The following LRP1B variants were observed in gnomAD, a reference collection of about 807,000 sequenced individuals.
LRP1B encodes LDL receptor related protein 1B.
Under a neutral mutation model 556.6 loss-of-function variants are expected in LRP1B, and 217 were observed. The ratio of observed to expected loss-of-function variants is 0.39; its 90% confidence interval spans 0.35 to 0.44. The LOEUF (loss-of-function observed/expected upper bound fraction) is 0.44, where lower values mean the gene tolerates loss of function less well. LRP1B is among the 20% of genes least tolerant of loss of function. LRP1B has a pLI of 1.00. For missense variants in LRP1B, 5,053 were observed against 5,620.8 expected, an observed-to-expected ratio of 0.90 and a Z score of 3.23; for synonymous variants, 2,047 against 1,865.8, an observed-to-expected ratio of 1.10 and a Z score of -2.50.
chr2:142,090,580 C>T (rs1706128275), intron 1 of LRP1B, among the ~76,000 whole-genome samples: 1 of 152,108 alleles, frequency 6.6e-6, no homozygotes, highest in African/African-American at 2.4e-5. Flanking sequence ...AAAAATACTC[C>T]AAATAATCTC....
intron 3 of LRP1B, among the ~76,000 whole-genome samples, chr2:141,398,738 T>C (rs1690338938): frequency 6.6e-6 from 1 of 152,176 alleles, no homozygotes; most frequent in Non-Finnish European, 1.5e-5. Flanking sequence ...AGAAACCGGT[T>C]TGAGAGAAAC....
intron 2 of LRP1B, among the ~76,000 whole-genome samples, chr2:141,549,316 TGG>T (rs1685667629): frequency 1.3e-5 from 2 of 152,248 alleles, no homozygotes; most frequent in African/African-American, 4.8e-5. Flanking sequence ...GGATAGAAGC[TGG>T]CACAAAGTGA....
chr2:141,788,873 A>C (rs1178697206), intron 2 of LRP1B, among the ~76,000 whole-genome samples: 1 of 151,894 alleles, frequency 6.6e-6, no homozygotes, highest in African/African-American at 2.4e-5. Context: ...TGAACTTATC[A>C]TTTTTTATGG....
intron 11 of LRP1B, among the ~76,000 whole-genome samples, chr2:141,026,796 T>A (rs1461464374): frequency 6.6e-6 from 1 of 152,032 alleles, no homozygotes; most frequent in East Asian, 1.9e-4. Flanking sequence ...TGGGGCAAAG[T>A]CATAATAAAA....
intron 79 of LRP1B, among the ~76,000 whole-genome samples, chr2:140,328,734 A>T (rs1410442074): frequency 1.3e-5 from 2 of 151,982 alleles, no homozygotes; most frequent in Admixed American, 6.6e-5. Flanking sequence ...AATTTATTTT[A>T]AAAAATTGTT....
intron 7 of LRP1B, among the ~76,000 whole-genome samples, chr2:141,107,509 G>A (rs999282998): frequency 3.3e-5 from 5 of 152,054 alleles, no homozygotes; most frequent in Non-Finnish European, 7.4e-5. Context: ...AGCTGGACAT[G>A]GTGGTGTGTA....
intron 7 of LRP1B, among the ~76,000 whole-genome samples, chr2:141,094,720 A>G (rs1700253452): frequency 6.6e-6 from 1 of 152,336 alleles, no homozygotes; most frequent in East Asian, 1.9e-4. Flanking sequence ...GAAGAACTTC[A>G]TTACAATAGG....
intron 7 of LRP1B, among the ~76,000 whole-genome samples, chr2:141,082,221 T>A (rs1699940520): frequency 6.6e-6 from 1 of 151,852 alleles, no homozygotes; most frequent in African/African-American, 2.4e-5. Context: ...ACTAAAAGAG[T>A]AGTGAAATGC....
intron 2 of LRP1B, among the ~76,000 whole-genome samples, chr2:141,569,447 A>G (rs1686452236): frequency 1.3e-5 from 2 of 151,180 alleles, no homozygotes; most frequent in Non-Finnish European, 3.0e-5. Flanking sequence ...AACTCAAAAC[A>G]TCTCTGAAAT....
intron 1 of LRP1B, among the ~76,000 whole-genome samples, chr2:141,970,177 T>C (rs1701689714): frequency 6.6e-6 from 1 of 151,672 alleles, no homozygotes; most frequent in Non-Finnish European, 1.5e-5. Context: ...TTTTGCATAT[T>C]AACCATTTAT....
At chr2:141,687,636 C>T (rs1310532726) in intron 2 of LRP1B, among the ~76,000 whole-genome samples, 1 of 151,870 alleles carries the variant, frequency 6.6e-6, no homozygotes, top group East Asian at 1.9e-4. Context: ...ATAGAAACTT[C>T]TCCTGTTCCA....
intron 41 of LRP1B, among the ~76,000 whole-genome samples, chr2:140,628,748 T>C (rs1418686087): frequency 2.0e-5 from 3 of 152,182 alleles, no homozygotes; most frequent in Non-Finnish European, 4.4e-5. Context: ...TCATGTCGAA[T>C]TATAATTCCC....
chr2:141,204,447 C>A (rs112866839), intron 6 of LRP1B, among the ~76,000 whole-genome samples: 1 of 152,072 alleles, frequency 6.6e-6, no homozygotes, highest in African/African-American at 2.4e-5. Context: ...TTATGGTCCT[C>A]CACCTCAGAT....
intron 6 of LRP1B, among the ~76,000 whole-genome samples, chr2:141,195,739 T>C (rs147389201): frequency 2.7e-3 from 412 of 152,260 alleles, no homozygotes; most frequent in Non-Finnish European, 4.7e-3. Context: ...GTCTGCTCTA[T>C]TTTATCAAAG....
intron 60 of LRP1B, among the ~76,000 whole-genome samples, chr2:140,459,111 T>G (rs1687215475): frequency 6.6e-6 from 1 of 152,162 alleles, no homozygotes; most frequent in South Asian, 2.1e-4. Flanking sequence ...ATCGATGTAC[T>G]CTTGCAGACA....
intron 3 of LRP1B, among the ~76,000 whole-genome samples, chr2:141,450,434 G>T (rs760969506): frequency 3.3e-5 from 5 of 152,008 alleles, no homozygotes; most frequent in Non-Finnish European, 7.4e-5. Context: ...TGGAGTTGTG[G>T]TTACAAATGA....
At position 141,841,542 on chromosome 2, in the gene LRP1B, C is replaced by G. The variant is rs576421748; in HGVS notation, c.83-31141G>C. Among the ~76,000 whole-genome samples the G allele has an allele frequency of 2.0e-5, 3 of 152,332 alleles. No individual in the cohort carries two copies. In the South Asian group the frequency reaches 6.2e-4, roughly 32 times the overall value. The stretch of plus-strand genomic sequence containing the variant: ...CAACTCCTCCCTGATGTTTTATTCT[C>G]TGTGTGTAATCGTAGCTTCATTGCT... On this transcript the variant is annotated intron_variant, in intron 1 of 90. Coordinates refer to ENST00000389484, the MANE Select transcript of LRP1B (RefSeq NM_018557.3).
intron 86 of LRP1B, among the ~76,000 whole-genome samples, chr2:140,266,917 C>T (rs1208802298): frequency 6.6e-6 from 1 of 151,944 alleles, no homozygotes; most frequent in African/African-American, 2.4e-5. Flanking sequence ...AAAGTAAAAA[C>T]TCTTGAGGTT....
rs772472942 is a variant in LRP1B at position 141,517,029 on chromosome 2, A to AAAAAAAAAAAAC, written c.206-36497_206-36496insGTTTTTTTTTTT. 2.4e-4 allele frequency among the ~76,000 whole-genome samples: 22 copies of AAAAAAAAAAAAC among 90,174 alleles called. 3 individuals carry two copies. The highest frequency in any genetic ancestry group is 4.0e-4 in the East Asian group (1 of 2,472). The allele number at this position is 90,174 out of a possible 152,430, so 59.2% of individuals were successfully genotyped here. On this transcript the variant is annotated intron_variant, in intron 2 of 90. Transcript: ENST00000389484. ...TAAAAAAAAAAAAAAAAAAAAAAAA[A>AAAAAAAAAAAAC]AAAGTAAATCAATGAAATAATTTAA... is the stretch of plus-strand genomic sequence containing the variant.
Sources: gnomAD v4.1 joint callset for allele counts (sites outside exome capture counted in the v4.1 genomes callset) on GRCh38, gnomAD v4.1.1 for gene constraint, MANE v1.5 for transcripts, NCBI Gene and HGNC (gene_info 2026-07-23, HGNC 2026-07-21) for gene names.